PLEKHA2: variants seen among roughly 807,000 people sequenced by gnomAD.
PLEKHA2 encodes pleckstrin homology domain containing A2.
Under a neutral mutation model 53.2 loss-of-function variants are expected in PLEKHA2, and 28 were observed. That is an observed-to-expected ratio of 0.53 (90% CI 0.39 to 0.72). The LOEUF (loss-of-function observed/expected upper bound fraction) is 0.72. PLEKHA2 is among the 30% of genes least tolerant of loss of function. The probability of loss-of-function intolerance (pLI) is 0.00; values close to 1 mark genes in which losing one functional copy is unlikely to be tolerated. For synonymous variants in PLEKHA2, 193 were observed against 196.4 expected (o/e 0.98, Z 0.14); for missense variants, 426 against 537.9 (o/e 0.79, Z 2.06).
intron 9 of PLEKHA2, among the ~76,000 whole-genome samples, chr8:38,953,691 T>C (rs1465197142): frequency 6.6e-6 from 1 of 152,124 alleles, no homozygotes; most frequent in African/African-American, 2.4e-5. Flanking sequence ...AGATGCTCAA[T>C]CCCTAGCAGA....
intron 8 of PLEKHA2, 50 bp from the exon 9 acceptor site, chr8:38,953,247 G>T: frequency 6.8e-7 from 1 of 1,466,192 alleles, no homozygotes; most frequent in East Asian, 2.3e-5. Flanking sequence ...TCTGGGTCGT[G>T]ATATGACACA....
chr8:38,934,830 A>T (rs372274769), intron 2 of PLEKHA2, among the ~76,000 whole-genome samples: 16 of 142,318 alleles, frequency 1.1e-4, no homozygotes, highest in South Asian at 4.5e-4. Flanking sequence ...ATATATATAT[A>T]TTTTTATTTC....
In PLEKHA2 at chr8:38,918,052, G is replaced by C; in HGVS notation, c.123G>C (p.Trp41Cys). 1 of 1,613,158 alleles carries C rather than the reference G, an allele frequency of 6.2e-7. No individual in the cohort carries two copies. The highest frequency in any genetic ancestry group is 8.5e-7 in the Non-Finnish European group (1 of 1,179,516). The change falls in exon 2 of 12, where the codon TGG becomes TGC. Residue 41 changes from tryptophan (W) to cysteine (C), a missense_variant. Physicochemically the swap from Trp to Cys is radical, Grantham distance 215. Transcript: ENST00000617275. ...ACACCCAGGCTAACTGCCTCCTCTGGTATATGGACAACCCCCAGGTGAGAG... is the reference window on the plus strand; with the variant it reads ...ACACCCAGGCTAACTGCCTCCTCTGCTATATGGACAACCCCCAGGTGAGAG... Reference protein sequence around the residue: ...ILDTQANCLLWYMDNPQNLAM... With the variant: ...ILDTQANCLLCYMDNPQNLAM...
At chr8:38,932,509 C>T (rs1834412606) in intron 2 of PLEKHA2, among the ~76,000 whole-genome samples, 1 of 152,128 alleles carries the variant, frequency 6.6e-6, no homozygotes, top group South Asian at 2.1e-4. Context: ...GGGCTCCCCT[C>T]CCCAGCTCTG....
At chr8:38,935,908 G>A in intron 2 of PLEKHA2, 86 bp from the exon 3 acceptor site, 1 of 1,278,996 alleles carries the variant, frequency 7.8e-7, no homozygotes, top group Non-Finnish European at 1.1e-6. Context: ...CCAGGAAAGT[G>A]GCATAAACAG....
intron 2 of PLEKHA2, among the ~76,000 whole-genome samples, chr8:38,918,408 GACACATACACACAC>G (rs1834102807): frequency 2.9e-5 from 4 of 136,852 alleles, no homozygotes; most frequent in African/African-American, 8.4e-5. Flanking sequence ...ACATACCACA[GACACATACACACAC>G]CACACACACC....
Position 38,943,561 on chromosome 8 carries a change from C to T in PLEKHA2, c.199-228C>T, listed in dbSNP as rs181424230. Among the ~76,000 whole-genome samples, 151 of 152,142 alleles carry T rather than the reference C, an allele frequency of 9.9e-4. 2 individuals carry two copies. Among genetic ancestry groups the T allele is most frequent in the East Asian group, 5.6e-3 (29 of 5,184 alleles). ...ACCTCAAGATAATGGTTATCTCTGACGGTGGGGATTCTGTCAGGGAGGGGC... is the reference window on the plus strand; with the variant it reads ...ACCTCAAGATAATGGTTATCTCTGATGGTGGGGATTCTGTCAGGGAGGGGC... On this transcript the variant is annotated intron_variant, in intron 3 of 11. Transcript: ENST00000617275.
chr8:38,928,456 C>T (rs1419707507), intron 2 of PLEKHA2, among the ~76,000 whole-genome samples: 1 of 151,978 alleles, frequency 6.6e-6, no homozygotes, highest in African/African-American at 2.4e-5. Flanking sequence ...ACCATGTTGG[C>T]CAGGTTGGTC....
intron 1 of PLEKHA2, among the ~76,000 whole-genome samples, chr8:38,915,532 A>G (rs1480225404): frequency 4.6e-5 from 7 of 152,216 alleles, no homozygotes; most frequent in African/African-American, 1.7e-4. Flanking sequence ...GACATCAGTC[A>G]TAGTGGATTA....
At chr8:38,903,419 G>C (rs1437838453) in intron 1 of PLEKHA2, among the ~76,000 whole-genome samples, 1 of 152,174 alleles carries the variant, frequency 6.6e-6, no homozygotes. Flanking sequence ...TCTCTCTTCT[G>C]TGTTAAGGAA....
rs796655302 is a variant in PLEKHA2, at chr8:38,950,196, A to AT, written c.346-644dup. 8.7e-3 allele frequency among the ~76,000 whole-genome samples: 1,301 copies of AT among 150,062 alleles called. 14 individuals are homozygous for AT. The highest frequency in any genetic ancestry group is 0.03 in the African/African-American group (1,221 of 40,936). ...AGCTGTGTGCTACCACACCTGGCTA[A>AT]TTTTTTTTTTCATTTTTAGTAGAGA... On this transcript the variant is annotated intron_variant, in intron 5 of 11. Coordinates refer to ENST00000617275, the MANE Select transcript of PLEKHA2 (RefSeq NM_021623.2).
intron 5 of PLEKHA2, among the ~76,000 whole-genome samples, chr8:38,948,618 G>T (rs922505820): frequency 2.6e-5 from 4 of 152,182 alleles, no homozygotes; most frequent in African/African-American, 9.7e-5. Context: ...TGGGGGCCCA[G>T]CATAATCAGG....
At chr8:38,967,109 A>G (rs1835152619) in intron 10 of PLEKHA2, among the ~76,000 whole-genome samples, 1 of 152,136 alleles carries the variant, frequency 6.6e-6, no homozygotes, top group African/African-American at 2.4e-5. Flanking sequence ...TTTCTGCAAA[A>G]GACACGATTT....
intron 2 of PLEKHA2, among the ~76,000 whole-genome samples, chr8:38,932,691 C>T (rs1456631238): frequency 6.6e-6 from 1 of 152,230 alleles, no homozygotes; most frequent in African/African-American, 2.4e-5. Context: ...CTTCTAGGTC[C>T]AGTCACTGGA....
Position 38,908,329 on chromosome 8 carries a change from A to G in PLEKHA2, c.-24+6884A>G, listed in dbSNP as rs185456125. 1.5e-3 allele frequency among the ~76,000 whole-genome samples: 223 copies of G among 152,352 alleles called. 1 individual carries two copies. The highest frequency in any genetic ancestry group is 5.0e-3 in the African/African-American group (206 of 41,596). ...TGGAGGGTGCTAAAGCCCTCTGGGC[A>G]GGTAGATATCTGGCTCTTGGATGAT... On this transcript the variant is annotated intron_variant, in intron 1 of 11. Transcript: ENST00000617275.
chr8:38,945,200 A>G (rs557364090), intron 4 of PLEKHA2, among the ~76,000 whole-genome samples: 7 of 152,346 alleles, frequency 4.6e-5, no homozygotes, highest in Middle Eastern at 3.4e-3. Flanking sequence ...ATGCTAACAA[A>G]TAGTTTCTGT....
chr8:38,947,979 G>A (rs1346566394), intron 5 of PLEKHA2, among the ~76,000 whole-genome samples: 7 of 149,974 alleles, frequency 4.7e-5, no homozygotes. Flanking sequence ...CCAGCTACTT[G>A]GGAGGCTGAG....
At chr8:38,942,599 C>T (rs569685671) in intron 3 of PLEKHA2, among the ~76,000 whole-genome samples, 5 of 152,268 alleles carry the variant, frequency 3.3e-5, no homozygotes, top group Middle Eastern at 3.4e-3. Context: ...GAATAGTCCC[C>T]GGCCTAGGAC....
At chr8:38,938,900 C>CTT (rs373598976) in intron 3 of PLEKHA2, among the ~76,000 whole-genome samples, 66 of 142,820 alleles carry the variant, frequency 4.6e-4, no homozygotes, top group Middle Eastern at 7.1e-3. Flanking sequence ...CTTTCTTTTT[C>CTT]TTTTTTTTTT....
Sources: allele counts gnomAD v4.1 joint callset (sites outside exome capture counted in the v4.1 genomes callset), GRCh38; gene constraint gnomAD v4.1.1; transcripts MANE v1.5; gene names NCBI Gene and HGNC (gene_info 2026-07-23, HGNC 2026-07-21).